Variants in TUT4 observed in about 807,000 individuals in gnomAD.
TUT4 encodes the protein terminal uridylyl transferase 4, also known as terminal uridylyltransferase 4.
Under a neutral mutation model 192.2 loss-of-function variants are expected in TUT4, and 36 were observed. That is an observed-to-expected ratio of 0.19 (90% CI 0.14 to 0.25). The LOEUF (loss-of-function observed/expected upper bound fraction) is 0.25. Ranked by LOEUF, TUT4 falls within the 10% of genes least tolerant of loss-of-function variation. The probability of loss-of-function intolerance (pLI) is 1.00; values close to 1 mark genes in which losing one functional copy is unlikely to be tolerated. For missense variants in TUT4, 1,493 were observed against 1,957.2 expected (o/e 0.76, Z 4.47); for synonymous variants, 618 against 666.0 (o/e 0.93, Z 1.11).
chr1:52,438,462 GT>G, intron 24 of TUT4, 127 bp from the exon 25 acceptor site: 2 of 627,736 alleles, frequency 3.2e-6, no homozygotes, highest in Non-Finnish European at 5.5e-6. Flanking sequence ...ATATTTCACT[GT>G]AAGAAAACCC....
intron 24 of TUT4, among the ~76,000 whole-genome samples, chr1:52,444,166 G>C (rs925079859): frequency 6.6e-6 from 1 of 151,918 alleles, no homozygotes; most frequent in South Asian, 2.1e-4. Flanking sequence ...TCCAGGAGGC[G>C]GAGGTTGCAG....
chr1:52,490,470 A>G (rs1042760309), intron 8 of TUT4, among the ~76,000 whole-genome samples: 1 of 151,136 alleles, frequency 6.6e-6, no homozygotes, highest in Non-Finnish European at 1.5e-5. Context: ...TAAATGCAAT[A>G]CTCTTGGGTG....
intron 6 of TUT4, 69 bp downstream of exon 6, chr1:52,495,358 A>T: frequency 1.0e-6 from 1 of 979,864 alleles, no homozygotes; most frequent in Non-Finnish European, 1.5e-6. Context: ...TCCTTTCTCT[A>T]CAAAGATAAT....
rs200690805 is a variant in TUT4, at chr1:52,510,317, C to CAAAAAAAAA, written c.883-614_883-606dup. ...GCAACAGAGCAAGACTTCGTATTAA[C>CAAAAAAAAA]AAAAAAAAAAAAAAAAAAAAAAAAG... On this transcript the variant is annotated intron_variant, in intron 3 of 29. Coordinates refer to ENST00000257177, the MANE Select transcript of TUT4 (RefSeq NM_001009881.3). Among the ~76,000 whole-genome samples, 68 of 78,530 alleles carry CAAAAAAAAA rather than the reference C, an allele frequency of 8.7e-4. 1 individual carries two copies. Among genetic ancestry groups the CAAAAAAAAA allele is most frequent in the East Asian group, 3.7e-3 (11 of 2,952 alleles). 51.5% of individuals were successfully genotyped at this position (78,530 alleles called of 152,430 possible).
chr1:52,508,930 C>A (rs1351176911), intron 4 of TUT4, among the ~76,000 whole-genome samples: 1 of 152,184 alleles, frequency 6.6e-6, no homozygotes, highest in Non-Finnish European at 1.5e-5. Flanking sequence ...ATTGTCTGCA[C>A]TTCTCCAGCT....
At chr1:52,534,114 T>C (rs1341806783) in intron 1 of TUT4, among the ~76,000 whole-genome samples, 2 of 152,162 alleles carry the variant, frequency 1.3e-5, no homozygotes, top group Non-Finnish European at 2.9e-5. Flanking sequence ...GGAGAAGAGG[T>C]AACTTACTTC....
chr1:52,456,003 C>T (rs1040180956), intron 20 of TUT4, among the ~76,000 whole-genome samples: 3 of 152,316 alleles, frequency 2.0e-5, no homozygotes, highest in African/African-American at 4.8e-5. Context: ...ATGTCTGTAA[C>T]AGCTTTATTC....
chr1:52,490,871 G>T, intron 7 of TUT4, 70 bp from the exon 8 acceptor site: 1 of 1,229,926 alleles, frequency 8.1e-7, no homozygotes, highest in Non-Finnish European at 1.1e-6. Flanking sequence ...TAAACATTAA[G>T]TAACAGTTTC....
chr1:52,508,327 C>CAA lies in TUT4; in HGVS notation c.999+1267_999+1268dup, dbSNP rs34321361. 4.8e-3 allele frequency among the ~76,000 whole-genome samples: 374 copies of CAA among 78,576 alleles called. 12 individuals are homozygous for CAA. In the East Asian group the frequency reaches 0.11, roughly 23 times the overall value. The allele number at this position is 78,576 out of a possible 152,430, so 51.5% of individuals were successfully genotyped here. On this transcript the variant is annotated intron_variant, in intron 4 of 29. Coordinates refer to ENST00000257177, the MANE Select transcript of TUT4 (RefSeq NM_001009881.3). ...GGAAGACAGAGTGAGACTCTGTCTC[C>CAA]AAAAAAAAAAAAAAAAAGGTTTCTT...
At chr1:52,442,636 A>C (rs1052148896) in intron 24 of TUT4, among the ~76,000 whole-genome samples, 10 of 152,314 alleles carry the variant, frequency 6.6e-5, no homozygotes, top group Admixed American at 5.2e-4. Context: ...GGGTCATGTC[A>C]GTGCTCAGTA....
chr1:52,444,925 G>GTA (rs766186397), intron 24 of TUT4, among the ~76,000 whole-genome samples: 2 of 125,696 alleles, frequency 1.6e-5, no homozygotes, highest in African/African-American at 4.6e-5. Context: ...ACATGTATGT[G>GTA]TATATATATG....
At chr1:52,487,979 A>G (rs1398993635) in intron 9 of TUT4, among the ~76,000 whole-genome samples, 1 of 152,198 alleles carries the variant, frequency 6.6e-6, no homozygotes, top group Non-Finnish European at 1.5e-5. Flanking sequence ...AAACCTGAAA[A>G]AAGTAAGAGT....
chr1:52,507,555 T>A (rs980595253), intron 4 of TUT4, among the ~76,000 whole-genome samples: 1 of 152,198 alleles, frequency 6.6e-6, no homozygotes, highest in Non-Finnish European at 1.5e-5. Flanking sequence ...TATGGCTGCA[T>A]TCAAGTTTGC....
Position 52,488,313 on chromosome 1 carries a change from A to G in TUT4, c.1515+596T>C, listed in dbSNP as rs181318938. ...GGCAGGAATACACAAACAAAAGGCT[A>G]AAATCTCTCTCTCTAGTCATTTGGA... On this transcript the variant is annotated intron_variant, in intron 9 of 29. Coordinates refer to ENST00000257177, the MANE Select transcript of TUT4 (RefSeq NM_001009881.3). Among the ~76,000 whole-genome samples the G allele has an allele frequency of 2.9e-4, 44 of 152,310 alleles. 1 individual carries two copies. The highest frequency in any genetic ancestry group is 1.2e-3 in the Admixed American group (19 of 15,244).
intron 9 of TUT4, 26 bp downstream of exon 9, chr1:52,488,883 A>T (rs1448835014): frequency 6.3e-7 from 1 of 1,583,676 alleles, no homozygotes; most frequent in Admixed American, 1.9e-5. Flanking sequence ...AAATATAAAT[A>T]AGTAGTTTTC....
intron 19 of TUT4, among the ~76,000 whole-genome samples, chr1:52,460,001 C>T (rs1662125027): frequency 6.6e-6 from 1 of 152,052 alleles, no homozygotes; most frequent in African/African-American, 2.4e-5. Context: ...AAGGATTTAG[C>T]TTATATCTAT....
intron 28 of TUT4, among the ~76,000 whole-genome samples, chr1:52,429,021 G>C (rs2148099232): frequency 6.6e-6 from 1 of 152,088 alleles, no homozygotes; most frequent in Admixed American, 6.5e-5. Context: ...TGGTTAATGG[G>C]GAGGGGGGTT....
chr1:52,508,555 T>C (rs12135596), intron 4 of TUT4, among the ~76,000 whole-genome samples: 4 of 152,104 alleles, frequency 2.6e-5, no homozygotes, highest in Non-Finnish European at 4.4e-5. Context: ...TAACTAAATA[T>C]GCCTTCTAGA....
chr1:52,538,853 T>G (rs1003743432), intron 1 of TUT4, among the ~76,000 whole-genome samples: 1 of 152,146 alleles, frequency 6.6e-6, no homozygotes, highest in African/African-American at 2.4e-5. Flanking sequence ...CCTGCCTTAC[T>G]TACCACCAAG....
Sources: allele counts gnomAD v4.1 joint callset (sites outside exome capture counted in the v4.1 genomes callset), GRCh38; gene constraint gnomAD v4.1.1; transcripts MANE v1.5; gene names NCBI Gene and HGNC (gene_info 2026-07-23, HGNC 2026-07-21).